The following BPHL variants were observed in gnomAD, a reference collection of about 807,000 sequenced individuals.
BPHL encodes serine hydrolase BPHL.
BPHL carries 27 observed loss-of-function variants against 31.2 expected under a neutral mutation model. That is an observed-to-expected ratio of 0.87 (90% CI 0.64 to 1.19). The LOEUF (loss-of-function observed/expected upper bound fraction) is 1.19, where lower values mean the gene tolerates loss of function less well. BPHL is among the 50% of genes most tolerant of loss of function. The pLI is 0.00. For missense variants in BPHL, 356 were observed against 375.7 expected, an observed-to-expected ratio of 0.95 and a Z score of 0.43; for synonymous variants, 150 against 146.8, an observed-to-expected ratio of 1.02 and a Z score of -0.16.
chr6:3,151,106 A>G (rs966910108), intron 6 of BPHL, among the ~76,000 whole-genome samples: 1 of 152,188 alleles, frequency 6.6e-6, no homozygotes, highest in Admixed American at 6.5e-5. Context: ...GAAAGACTTC[A>G]CATGTGGCAG....
chr6:3,122,366 CCTT>C (rs1761601132), intron 1 of BPHL, among the ~76,000 whole-genome samples: 1 of 152,230 alleles, frequency 6.6e-6, no homozygotes, highest in African/African-American at 2.4e-5. Flanking sequence ...GAGAGCGCCT[CCTT>C]CTGGCATCTG....
At chr6:3,138,146 G>A in intron 5 of BPHL, 1 of 512,578 alleles carries the variant, frequency 2.0e-6, no homozygotes, top group Non-Finnish European at 3.3e-6. Flanking sequence ...AGCCTCCCAA[G>A]TAGCTGGGAC....
intron 6 of BPHL, among the ~76,000 whole-genome samples, chr6:3,141,585 C>T (rs1762178359): frequency 6.6e-6 from 1 of 152,220 alleles, no homozygotes; most frequent in Non-Finnish European, 1.5e-5. Flanking sequence ...CCAGGCTAGT[C>T]TCAAACTCCT....
rs2231356 is a variant in BPHL at position 3,118,718 on chromosome 6, C to T, written c.-23C>T. On this transcript the variant is annotated 5_prime_UTR_variant, in exon 1 of 7. Transcript: ENST00000380379. ...CTTGGTCTTAGCGCATGCGCACTCC[C>T]GGCAGCTACGCGACCTGTGACCATG... 0.016 allele frequency: 20,219 copies of T among 1,255,434 alleles called. 582 individuals are homozygous for T. The highest frequency in any genetic ancestry group is 0.099 in the African/African-American group (6,421 of 64,610). The allele number at this position is 1,255,434 out of a possible 1,614,324, so 77.8% of individuals were successfully genotyped here.
chr6:3,139,950 T>C (rs2113766421), intron 5 of BPHL: 1 of 164,470 alleles, frequency 6.1e-6, no homozygotes, highest in Admixed American at 6.3e-5. Context: ...GTTGTATAAT[T>C]AATTCCTTGT....
chr6:3,132,469 A>T (rs1214052415), intron 4 of BPHL, among the ~76,000 whole-genome samples: 1 of 152,104 alleles, frequency 6.6e-6, no homozygotes, highest in Non-Finnish European at 1.5e-5. Flanking sequence ...ACACCTGAGT[A>T]GCTTCACTCA....
intron 6 of BPHL, among the ~76,000 whole-genome samples, chr6:3,150,598 T>C (rs972091345): frequency 6.6e-6 from 1 of 152,206 alleles, no homozygotes; most frequent in East Asian, 1.9e-4. Context: ...CCTACTAATT[T>C]TTCGGAGAAT....
At chr6:3,125,425 G>A (rs960426921) in intron 2 of BPHL, among the ~76,000 whole-genome samples, 5 of 151,972 alleles carry the variant, frequency 3.3e-5, no homozygotes, top group Non-Finnish European at 5.9e-5. Flanking sequence ...TCTCTCTCCT[G>A]TCCTATCCTC....
At chr6:3,146,410 T>TG (rs1762363476) in intron 6 of BPHL, among the ~76,000 whole-genome samples, 2 of 115,988 alleles carry the variant, frequency 1.7e-5, no homozygotes, top group Non-Finnish European at 3.5e-5. Context: ...AGTGCTGGTT[T>TG]GGGTTGAGTG....
intron 6 of BPHL, among the ~76,000 whole-genome samples, chr6:3,144,351 G>A (rs537295823): frequency 1.3e-5 from 2 of 149,456 alleles, no homozygotes; most frequent in East Asian, 4.0e-4. Context: ...ACAGGCATAA[G>A]CCACTGCACT....
In BPHL at chr6:3,123,653, C is replaced by G. The variant is rs1477536103; in HGVS notation, c.108-4C>G. 1 of 1,612,288 alleles carries G rather than the reference C, an allele frequency of 6.2e-7. No homozygotes were observed. Among genetic ancestry groups the G allele is most frequent in the Non-Finnish European group, 8.5e-7 (1 of 1,179,048 alleles). ...CCTGTGGGGATGTGTTTTTTCTCTT[C>G]TAGCACCTCGGTAACCTCTGCCAAA... On this transcript the variant is annotated splice_region_variant and splice_polypyrimidine_tract_variant and intron_variant, in intron 1 of 6. Transcript: ENST00000380379.
Position 3,123,646 on chromosome 6 carries a change from T to G in BPHL, c.108-11T>G, listed in dbSNP as rs1175144297. On this transcript the variant is annotated splice_polypyrimidine_tract_variant and intron_variant, in intron 1 of 6. Transcript: ENST00000380379. ...CTTTCCCCCTGTGGGGATGTGTTTT[T>G]TCTCTTCTAGCACCTCGGTAACCTC... The G allele has an allele frequency of 6.2e-7, 1 of 1,610,636 alleles. No homozygotes were observed. The highest frequency in any genetic ancestry group is 1.7e-5 in the Admixed American group (1 of 59,566).
chr6:3,145,449 C>T lies in BPHL; in HGVS notation c.788+4940C>T, dbSNP rs111774288. ...GCTGGTTCAGGGTGGAGCGCTGGTTCGGGGTGGAGTGCTGGTTTGGGTTTG... is the reference window on the plus strand; with the variant it reads ...GCTGGTTCAGGGTGGAGCGCTGGTTTGGGGTGGAGTGCTGGTTTGGGTTTG... On this transcript the variant is annotated intron_variant, in intron 6 of 6. Coordinates refer to ENST00000380379, the MANE Select transcript of BPHL (RefSeq NM_004332.4). 9.1e-4 allele frequency among the ~76,000 whole-genome samples: 45 copies of T among 49,588 alleles called. 14 individuals carry two copies. The highest frequency in any genetic ancestry group is 0.032 in the Middle Eastern group (2 of 62). 32.5% of individuals were successfully genotyped at this position (49,588 alleles called of 152,430 possible).
chr6:3,147,398 C>T (rs1360578007), intron 6 of BPHL, among the ~76,000 whole-genome samples: 6 of 152,126 alleles, frequency 3.9e-5, no homozygotes, highest in Admixed American at 3.9e-4. Flanking sequence ...AGGCAAGTTG[C>T]CATCTGTTCC....
chr6:3,151,591 A>G (rs1165982836), intron 6 of BPHL, among the ~76,000 whole-genome samples: 1 of 152,196 alleles, frequency 6.6e-6, no homozygotes, highest in Non-Finnish European at 1.5e-5. Context: ...TCAAAAAATT[A>G]GGGAACATGA....
chr6:3,131,946 T>C (rs1188203283), intron 4 of BPHL, among the ~76,000 whole-genome samples: 5 of 152,170 alleles, frequency 3.3e-5, no homozygotes, highest in Non-Finnish European at 7.4e-5. Flanking sequence ...CACGTGCCTG[T>C]GTCACGGCCC....
At position 3,123,673 on chromosome 6, in the gene BPHL, G is replaced by A. The variant is rs1220380211; in HGVS notation, c.124G>A (p.Ala42Thr). 1 of 1,613,524 alleles carries A rather than the reference G, an allele frequency of 6.2e-7. No individual in the cohort carries two copies. The highest frequency in any genetic ancestry group is 8.5e-7 in the Non-Finnish European group (1 of 1,179,682). The change falls in exon 2 of 7, where the codon GCC becomes ACC. Residue 42 changes from alanine (A) to threonine (T), a missense_variant. Physicochemically the swap from Ala to Thr is moderately conservative, Grantham distance 58 (BLOSUM62 0). Coordinates refer to ENST00000380379, the MANE Select transcript of BPHL (RefSeq NM_004332.4). Reference protein sequence around the residue: ...AAAFGTSVTSAKVAVNGVQLH... With the variant: ...AAAFGTSVTSTKVAVNGVQLH... Reference sequence around the variant, plus strand: ...CTCTTCTAGCACCTCGGTAACCTCTGCCAAAGTGGCTGTGAATGGCGTTCA... The same window carrying A: ...CTCTTCTAGCACCTCGGTAACCTCTACCAAAGTGGCTGTGAATGGCGTTCA...
At chr6:3,137,641 G>A in intron 5 of BPHL, 148 bp downstream of exon 5, 1 of 1,243,178 alleles carries the variant, frequency 8.0e-7, no homozygotes, top group Non-Finnish European at 1.1e-6. Flanking sequence ...ACTAGTTCTT[G>A]TGTACTGTGC....
At chr6:3,121,387 C>A (rs1239000972) in intron 1 of BPHL, among the ~76,000 whole-genome samples, 1 of 145,438 alleles carries the variant, frequency 6.9e-6, no homozygotes, top group Non-Finnish European at 1.5e-5. Flanking sequence ...GTAATCTTCA[C>A]CTCCCAGGTT....
Sources: gnomAD v4.1 joint callset for allele counts (sites outside exome capture counted in the v4.1 genomes callset) on GRCh38, gnomAD v4.1.1 for gene constraint, MANE v1.5 for transcripts, NCBI Gene and HGNC (gene_info 2026-07-23, HGNC 2026-07-21) for gene names.